The following PAM variants were observed in gnomAD, a reference collection of about 807,000 sequenced individuals.
PAM encodes peptidylglycine alpha-amidating monooxygenase, also known as peptidyl-glycine alpha-amidating monooxygenase.
In PAM, 72 loss-of-function variants were observed where a neutral mutation model predicts 122.1. The ratio of observed to expected loss-of-function variants is 0.59; its 90% CI spans 0.49 to 0.72. The LOEUF (loss-of-function observed/expected upper bound fraction) is 0.72, where lower values mean the gene tolerates loss of function less well. Ranked by LOEUF, PAM falls within the 30% of genes least tolerant of loss-of-function variation. PAM has a pLI of 0.00. For missense variants in PAM, 1,106 were observed against 1,183.7 expected, an observed-to-expected ratio of 0.93 and a Z score of 0.96; for synonymous variants, 389 against 404.4, an observed-to-expected ratio of 0.96 and a Z score of 0.46.
At chr5:102,960,160 T>C (rs1762035507) in intron 13 of PAM, 101 bp downstream of exon 13, 1 of 667,462 alleles carries the variant, frequency 1.5e-6, no homozygotes, top group Non-Finnish European at 2.5e-6. Flanking sequence ...TATTCCCTTC[T>C]TCTACCAGTC....
chr5:102,762,471 C>T (rs2149682273), intron 1 of PAM, among the ~76,000 whole-genome samples: 1 of 152,126 alleles, frequency 6.6e-6, no homozygotes, highest in Admixed American at 6.5e-5. Context: ...AGGAGACTTG[C>T]TGTTTATTGC....
intron 16 of PAM, among the ~76,000 whole-genome samples, chr5:102,994,384 T>A (rs1775044778): frequency 6.6e-6 from 1 of 152,196 alleles, no homozygotes; most frequent in South Asian, 2.1e-4. Context: ...AGCCTTATCT[T>A]TTGCAAACTG....
At chr5:102,958,106 C>T (rs923245946) in intron 12 of PAM, among the ~76,000 whole-genome samples, 1 of 152,136 alleles carries the variant, frequency 6.6e-6, no homozygotes, top group African/African-American at 2.4e-5. Flanking sequence ...AATCAGGATA[C>T]TGGCTTCTTA....
chr5:102,907,066 T>A (rs1799786189), intron 4 of PAM, among the ~76,000 whole-genome samples: 1 of 151,714 alleles, frequency 6.6e-6, no homozygotes. Context: ...GATTGTTTTA[T>A]TTGAAATTGA....
chr5:102,974,726 CA>C (rs1420445214), intron 15 of PAM: 2 of 252,788 alleles, frequency 7.9e-6, no homozygotes, highest in African/African-American at 4.4e-5. Flanking sequence ...ATATGAAATT[CA>C]GGATAAAAAT....
At chr5:103,007,391 T>C (rs1299226630) in intron 19 of PAM, 66 bp from the exon 20 acceptor site, 11 of 1,313,552 alleles carry the variant, frequency 8.4e-6, no homozygotes, top group East Asian at 2.3e-5. Context: ...TTTAGAAACA[T>C]ACTAGAGAGT....
chr5:102,799,823 A>G (rs1365192776), intron 1 of PAM, among the ~76,000 whole-genome samples: 2 of 152,118 alleles, frequency 1.3e-5, no homozygotes, highest in Non-Finnish European at 2.9e-5. Flanking sequence ...ATTCAACTCT[A>G]CCCGTCTTTT....
chr5:103,005,005 C>A (rs1582811090), intron 17 of PAM, 149 bp from the exon 18 acceptor site: 1 of 579,646 alleles, frequency 1.7e-6, no homozygotes, highest in East Asian at 2.9e-5. Flanking sequence ...TTTTTATTAA[C>A]TATTCATTTT....
intron 7 of PAM, among the ~76,000 whole-genome samples, chr5:102,936,867 A>T (rs1288412085): frequency 1.3e-5 from 2 of 152,054 alleles, no homozygotes; most frequent in Non-Finnish European, 2.9e-5. Flanking sequence ...TGGCGCTCAA[A>T]TTTTCCTAGC....
intron 12 of PAM, among the ~76,000 whole-genome samples, chr5:102,957,543 T>G (rs912183171): frequency 6.6e-6 from 1 of 152,134 alleles, no homozygotes; most frequent in Non-Finnish European, 1.5e-5. Flanking sequence ...CTTTTCTTTT[T>G]TTTGAGACGG....
At chr5:103,002,908 A>G (rs1451051658) in intron 16 of PAM, 125 bp from the exon 17 acceptor site, 3 of 640,584 alleles carry the variant, frequency 4.7e-6, no homozygotes, top group Non-Finnish European at 5.7e-6. Context: ...GAAATGTGGC[A>G]GACAAAGAGT....
At chr5:102,838,671 A>C (rs1294332400) in intron 1 of PAM, 5 of 152,172 alleles carry the variant, frequency 3.3e-5, no homozygotes, top group African/African-American at 1.2e-4. Context: ...GTTGTTTCAT[A>C]ATGAGTTTCT....
At chr5:102,782,705 C>T (rs1759327211) in intron 1 of PAM, among the ~76,000 whole-genome samples, 1 of 133,820 alleles carries the variant, frequency 7.5e-6, no homozygotes, top group Non-Finnish European at 1.5e-5. Context: ...TTCTCCATTT[C>T]TCTCTCTCTC....
chr5:102,911,597 C>T (rs1357708628), intron 4 of PAM, among the ~76,000 whole-genome samples: 2 of 151,928 alleles, frequency 1.3e-5, no homozygotes, highest in African/African-American at 4.8e-5. Context: ...AGAAGAGTCT[C>T]TTACATAAGC....
chr5:102,835,237 A>T (rs941630855), intron 1 of PAM, among the ~76,000 whole-genome samples: 1 of 152,176 alleles, frequency 6.6e-6, no homozygotes, highest in African/African-American at 2.4e-5. Flanking sequence ...TATAAGACGT[A>T]CCCAGAGTCA....
At chr5:102,815,980 A>G (rs1769640372) in intron 1 of PAM, among the ~76,000 whole-genome samples, 1 of 152,114 alleles carries the variant, frequency 6.6e-6, no homozygotes, top group South Asian at 2.1e-4. Flanking sequence ...AGATTTTTTC[A>G]TCTTTTCAAT....
chr5:102,771,522 A>T (rs1755774366), intron 1 of PAM, among the ~76,000 whole-genome samples: 1 of 152,120 alleles, frequency 6.6e-6, no homozygotes, highest in Non-Finnish European at 1.5e-5. Context: ...GCAGTTTTTC[A>T]TCTGTACAAC....
chr5:103,006,264 A>AT (rs1342183680), intron 18 of PAM, among the ~76,000 whole-genome samples: 1 of 151,816 alleles, frequency 6.6e-6, no homozygotes, highest in African/African-American at 2.4e-5. Context: ...TTTTTTACTT[A>AT]TTTTTTTATG....
At chr5:102,826,111 T>G (rs1487895519) in intron 1 of PAM, among the ~76,000 whole-genome samples, 2 of 152,216 alleles carry the variant, frequency 1.3e-5, no homozygotes, top group African/African-American at 4.8e-5. Flanking sequence ...ACTTGCTATT[T>G]TTACTAAATC....
Sources: allele counts gnomAD v4.1 joint callset (sites outside exome capture counted in the v4.1 genomes callset), GRCh38; gene constraint gnomAD v4.1.1; transcripts MANE v1.5; gene names NCBI Gene and HGNC (gene_info 2026-07-23, HGNC 2026-07-21).